Variants in FCRL6 observed in about 807,000 individuals in gnomAD.
The protein encoded by FCRL6 is Fc receptor like 6.
Under a neutral mutation model 49.1 loss-of-function variants are expected in FCRL6, and 50 were observed. The observed-to-expected ratio is 1.02, with a 90% CI of 0.81 to 1.29. The LOEUF is 1.29. Among genes scored for constraint, FCRL6 ranks in the 50% most tolerant of loss-of-function variants. FCRL6 has a pLI of 0.00. For missense variants in FCRL6, 571 were observed against 518.5 expected, an observed-to-expected ratio of 1.10 and a Z score of -0.98; for synonymous variants, 213 against 199.6, an observed-to-expected ratio of 1.07 and a Z score of -0.57.
At chr1:159,813,612 G>C in intron 7 of FCRL6, 58 bp downstream of exon 7, 1 of 1,490,024 alleles carries the variant, frequency 6.7e-7, no homozygotes, top group East Asian at 2.3e-5. Context: ...AGCTTCTTAA[G>C]GGAAGTAAGA....
At position 159,809,634 on chromosome 1, in the gene FCRL6, G is replaced by C; in HGVS notation, c.837G>C (p.Glu279Asp). 6.2e-7 allele frequency: 1 copy of C among 1,614,154 alleles called. No individual in the cohort carries two copies. The highest frequency in any genetic ancestry group is 8.5e-7 in the Non-Finnish European group (1 of 1,180,022). ...CTGGGAACTACTCCTGCGAGGCTGA[G>C]AACAGTGTCTCCAGAGAGAGGAGTG... Reference protein sequence around the residue: ...QDAGNYSCEAENSVSRERSEP... With the variant: ...QDAGNYSCEADNSVSRERSEP... Residue 279 changes from glutamate (E) to aspartate (D), a missense_variant, in exon 5 of 10, where the codon GAG becomes GAC. By Grantham distance (45) the Glu-to-Asp change is conservative (BLOSUM62 2). Transcript: ENST00000368106.
At position 159,809,485 on chromosome 1, in the gene FCRL6, GCA is replaced by G. The variant is rs1255812549; in HGVS notation, c.691_692del (p.Gln231GlufsTer13). ...GGACATGGTGCAGCTCCTCTGTGAG[GCA>G]CAGAGGGGCTCCCCTCCGATCCTGT... The part of the protein sequence containing the change: ...VGDMVQLLCE[A>X]QRGSPPILYS... On this transcript the variant is annotated frameshift_variant, in exon 5 of 10. Coordinates refer to ENST00000368106, the MANE Select transcript of FCRL6 (RefSeq NM_001004310.3). LOFTEE classifies it high-confidence loss of function. The G allele has an allele frequency of 1.9e-6, 3 of 1,613,804 alleles. No individual in the cohort carries two copies. The highest frequency in any genetic ancestry group is 1.7e-6 in the Non-Finnish European group (2 of 1,179,808).
At chr1:159,811,695 T>A (rs572621255) in intron 6 of FCRL6, among the ~76,000 whole-genome samples, 1 of 152,116 alleles carries the variant, frequency 6.6e-6, no homozygotes, top group African/African-American at 2.4e-5. Flanking sequence ...TAGTCTTGAG[T>A]CTGGATTCAA....
chr1:159,807,808 A>G (rs1662794698), intron 2 of FCRL6, among the ~76,000 whole-genome samples: 1 of 152,108 alleles, frequency 6.6e-6, no homozygotes, highest in African/African-American at 2.4e-5. Flanking sequence ...AAGACAATGA[A>G]CAGAATGAAT....
upstream of FCRL6, among the ~76,000 whole-genome samples, chr1:159,801,923 C>T (rs1368119456): frequency 6.6e-6 from 1 of 152,046 alleles, no homozygotes; most frequent in Non-Finnish European, 1.5e-5. Flanking sequence ...TTCTCCATCG[C>T]ATTGCAGCAT....
chr1:159,807,839 A>G (rs1366128031), intron 2 of FCRL6, among the ~76,000 whole-genome samples: 1 of 151,976 alleles, frequency 6.6e-6, no homozygotes, highest in Non-Finnish European at 1.5e-5. Flanking sequence ...CAAGCTTGGC[A>G]AGGCAGACAG....
At chr1:159,802,491 A>C (rs1467571311) in intron 1 of FCRL6, 36 bp downstream of exon 1, 1 of 1,587,250 alleles carries the variant, frequency 6.3e-7, no homozygotes, top group South Asian at 1.1e-5. Flanking sequence ...CTCTTGGAGC[A>C]CTAAGGACCG....
chr1:159,807,213 C>T (rs930424191), intron 2 of FCRL6, among the ~76,000 whole-genome samples: 3 of 152,222 alleles, frequency 2.0e-5, no homozygotes, highest in Non-Finnish European at 4.4e-5. Flanking sequence ...TTCGGTAATG[C>T]GGTGAGCATC....
At chr1:159,808,784 G>T (rs1662882199) in intron 3 of FCRL6, 177 bp from the exon 4 acceptor site, 3 of 660,360 alleles carry the variant, frequency 4.5e-6, no homozygotes, top group Non-Finnish European at 7.6e-6. Context: ...GCCTGGCTAT[G>T]TGGGAGTCAT....
intron 1 of FCRL6, among the ~76,000 whole-genome samples, chr1:159,804,332 A>C (rs1302636026): frequency 2.6e-5 from 4 of 152,162 alleles, no homozygotes. Flanking sequence ...CCTTCTTTTA[A>C]GCTTAGCCCA....
In FCRL6 at chr1:159,815,516, C is replaced by G. The variant is rs747965696; in HGVS notation, c.1180-20C>G. ...TCTCTCTTACATTTGCTTCCTCATCCTGAGCCAACTCTTCCACAGGACAGT... is the reference window on the plus strand; with the variant it reads ...TCTCTCTTACATTTGCTTCCTCATCGTGAGCCAACTCTTCCACAGGACAGT... On this transcript the variant is annotated intron_variant, in intron 9 of 9. Transcript: ENST00000368106. 1 of 1,614,180 alleles carries G rather than the reference C, an allele frequency of 6.2e-7. No homozygotes were observed. The highest frequency in any genetic ancestry group is 2.2e-5 in the East Asian group (1 of 44,888).
Position 159,808,325 on chromosome 1 carries a change from C to A in FCRL6, c.200C>A (p.Thr67Asn). Residue 67 changes from threonine to asparagine, a missense_variant, in exon 3 of 10, where the codon ACT becomes AAT. Coordinates refer to ENST00000368106, the MANE Select transcript of FCRL6 (RefSeq NM_001004310.3). ...KFLHFSKENQ[T>N]LSMGAATVQS... Reference sequence around the variant, plus strand: ...CTTCATTTCTCTAAGGAAAACCAGACTCTGTCCATGGGAGCAGCAACAGTG... The same window carrying A: ...CTTCATTTCTCTAAGGAAAACCAGAATCTGTCCATGGGAGCAGCAACAGTG... The A allele has an allele frequency of 6.2e-7, 1 of 1,614,254 alleles. No individual in the cohort carries two copies. Among genetic ancestry groups the A allele is most frequent in the Non-Finnish European group, 8.5e-7 (1 of 1,180,048 alleles).
intron 8 of FCRL6, among the ~76,000 whole-genome samples, chr1:159,815,056 G>A (rs917723954): frequency 6.6e-6 from 1 of 152,196 alleles, no homozygotes; most frequent in Non-Finnish European, 1.5e-5. Flanking sequence ...TCAAAACAGG[G>A]AGTTTTGTTG....
At chr1:159,803,930 A>T (rs1238454424) in intron 1 of FCRL6, among the ~76,000 whole-genome samples, 1 of 152,210 alleles carries the variant, frequency 6.6e-6, no homozygotes, top group Non-Finnish European at 1.5e-5. Flanking sequence ...GGGTGTGGTC[A>T]TAATAAATTG....
At chr1:159,804,859 G>A (rs1011541099) in intron 1 of FCRL6, among the ~76,000 whole-genome samples, 3 of 152,204 alleles carry the variant, frequency 2.0e-5, no homozygotes, top group Admixed American at 6.5e-5. Flanking sequence ...TAACTACAGA[G>A]TAAGGTCTCT....
At chr1:159,808,936 G>T in intron 3 of FCRL6, 25 bp from the exon 4 acceptor site, 1 of 1,557,440 alleles carries the variant, frequency 6.4e-7, no homozygotes, top group Non-Finnish European at 8.7e-7. Flanking sequence ...CTCCCCTCCT[G>T]AGTCCTGGGC....
At chr1:159,812,797 C>G (rs1571111884) in intron 6 of FCRL6, among the ~76,000 whole-genome samples, 1 of 152,158 alleles carries the variant, frequency 6.6e-6, no homozygotes, top group Non-Finnish European at 1.5e-5. Flanking sequence ...CAGGCATGAA[C>G]CAAGTGTTCT....
Position 159,805,469 on chromosome 1 carries a change from T to C in FCRL6, c.32-1127T>C, listed in dbSNP as rs76448235. Among the ~76,000 whole-genome samples the C allele has an allele frequency of 8.1e-3, 1,230 of 152,334 alleles. 6 individuals are homozygous for C. Among genetic ancestry groups the C allele is most frequent in the Admixed American group, 0.017 (254 of 15,304 alleles). ...CTGACTGCACTCAGCCCTACATTCATTCATTGTTTCACACCTTGCCCCAAA... is the reference window on the plus strand; with the variant it reads ...CTGACTGCACTCAGCCCTACATTCACTCATTGTTTCACACCTTGCCCCAAA... On this transcript the variant is annotated intron_variant, in intron 1 of 9. Coordinates refer to ENST00000368106, the MANE Select transcript of FCRL6 (RefSeq NM_001004310.3).
In FCRL6 at chr1:159,809,288, G is replaced by A. The variant is rs781573556; in HGVS notation, c.604+43G>A. The A allele has an allele frequency of 3.5e-5, 53 of 1,525,334 alleles. No individual in the cohort carries two copies. In the Middle Eastern group the frequency reaches 6.6e-4, roughly 19 times the overall value. The allele number at this position is 1,525,334 out of a possible 1,614,324, so 94.5% of individuals were successfully genotyped here. ...TGGAGATGCCCCCAGGGCCCTGGGCGTCAGGCAGTGGGATCCCCTGGGACT... is the reference window on the plus strand; with the variant it reads ...TGGAGATGCCCCCAGGGCCCTGGGCATCAGGCAGTGGGATCCCCTGGGACT... On this transcript the variant is annotated intron_variant, in intron 4 of 9. Coordinates refer to ENST00000368106, the MANE Select transcript of FCRL6 (RefSeq NM_001004310.3).
Sources: gnomAD v4.1 joint callset for allele counts (sites outside exome capture counted in the v4.1 genomes callset) on GRCh38, gnomAD v4.1.1 for gene constraint, MANE v1.5 for transcripts, NCBI Gene and HGNC (gene_info 2026-07-23, HGNC 2026-07-21) for gene names.